The following MYO9A variants were observed in gnomAD, a reference collection of about 807,000 sequenced individuals.
MYO9A encodes the protein myosin IXA.
A neutral mutation model predicts 293.3 loss-of-function variants in MYO9A; 103 were observed. The observed-to-expected ratio is 0.35, with a 90% CI of 0.30 to 0.41. The LOEUF (loss-of-function observed/expected upper bound fraction) is 0.41, where lower values mean the gene tolerates loss of function less well. MYO9A is among the 10% of genes least tolerant of loss of function. MYO9A has a pLI of 1.00. For missense variants in MYO9A, 2,685 were observed against 3,033.0 expected (o/e 0.89, Z 2.69); for synonymous variants, 1,001 against 1,035.7 (o/e 0.97, Z 0.64).
In MYO9A at chr15:71,902,084, T is replaced by G. The variant is rs549678816; in HGVS notation, c.3001-744A>C. ...CCTCTCATTTGAGAGCAGGTAGATATTATATACCCGAAGAGGAAGATGGTA... is the reference window on the plus strand; with the variant it reads ...CCTCTCATTTGAGAGCAGGTAGATAGTATATACCCGAAGAGGAAGATGGTA... On this transcript the variant is annotated intron_variant, in intron 22 of 41. Transcript: ENST00000356056. 3.9e-5 allele frequency among the ~76,000 whole-genome samples: 6 copies of G among 152,180 alleles called. No individual in the cohort carries two copies. The East Asian group carries it at 1.2e-3, about 29-fold the overall frequency.
chr15:71,847,832 A>ATGTT (rs1385319213), intron 39 of MYO9A, among the ~76,000 whole-genome samples: 2 of 152,214 alleles, frequency 1.3e-5, no homozygotes, highest in African/African-American at 2.4e-5. Context: ...GCCCATGCTT[A>ATGTT]TGTTTGTTTT....
chr15:72,067,658 G>A (rs575558799), intron 1 of MYO9A, among the ~76,000 whole-genome samples: 1 of 152,092 alleles, frequency 6.6e-6, no homozygotes, highest in African/African-American at 2.4e-5. Context: ...CTACTGGGAC[G>A]CCACATGGAG....
intron 8 of MYO9A, 95 bp downstream of exon 8, chr15:72,007,731 G>T: frequency 8.5e-7 from 1 of 1,182,982 alleles, no homozygotes; most frequent in Non-Finnish European, 1.1e-6. Context: ...ATTATTAACA[G>T]AAAGCATTAA....
chr15:71,961,496 T>C (rs185394519), intron 13 of MYO9A, among the ~76,000 whole-genome samples: 214 of 152,322 alleles, frequency 1.4e-3, no homozygotes, highest in African/African-American at 4.5e-3. Flanking sequence ...GTATTTTACA[T>C]GTATTGTCTC....
At chr15:71,948,956 G>GAGA (rs1567306327) in intron 15 of MYO9A, among the ~76,000 whole-genome samples, 170 of 146,840 alleles carry the variant, frequency 1.2e-3, no homozygotes, top group African/African-American at 3.7e-3. Context: ...TTTTGTGAGG[G>GAGA]GGGGGGATGT....
chr15:71,863,317 T>C (rs146655951), intron 32 of MYO9A, among the ~76,000 whole-genome samples: 4 of 152,202 alleles, frequency 2.6e-5, no homozygotes, highest in African/African-American at 9.6e-5. Context: ...TTTACATGAG[T>C]TATACCTGTT....
intron 40 of MYO9A, among the ~76,000 whole-genome samples, chr15:71,828,429 G>A (rs368131356): frequency 6.6e-6 from 1 of 152,124 alleles, no homozygotes; most frequent in South Asian, 2.1e-4. Flanking sequence ...GATTAAACTA[G>A]ATAACCTCTA....
chr15:71,963,444 T>C (rs2075793486), intron 13 of MYO9A, among the ~76,000 whole-genome samples: 4 of 151,238 alleles, frequency 2.6e-5, no homozygotes, highest in Admixed American at 6.6e-5. Flanking sequence ...GAGTTACGAC[T>C]TTATTTTATT....
chr15:72,007,253 G>A (rs973912158), intron 8 of MYO9A, among the ~76,000 whole-genome samples: 1 of 152,100 alleles, frequency 6.6e-6, no homozygotes, highest in East Asian at 1.9e-4. Context: ...AGATGAGAAG[G>A]GGTAGGCAAG....
At chr15:72,101,871 GGT>G (rs2080350851) in intron 1 of MYO9A, among the ~76,000 whole-genome samples, 1 of 151,412 alleles carries the variant, frequency 6.6e-6, no homozygotes, top group Non-Finnish European at 1.5e-5. Context: ...GAGGTGGGGG[GGT>G]CAGCCCCCGA....
chr15:71,828,070 G>A (rs745807047), intron 40 of MYO9A, 44 bp from the exon 41 acceptor site: 2 of 1,581,370 alleles, frequency 1.3e-6, no homozygotes, highest in Non-Finnish European at 1.7e-6. Flanking sequence ...GATAGGAAGT[G>A]GAAGGAAGAT....
At chr15:72,067,297 A>C (rs1031699821) in intron 1 of MYO9A, among the ~76,000 whole-genome samples, 1 of 151,458 alleles carries the variant, frequency 6.6e-6, no homozygotes, top group Admixed American at 6.6e-5. Flanking sequence ...CCCAATACTA[A>C]TTAATTAATT....
chr15:72,099,755 G>A (rs2080204838), intron 1 of MYO9A, among the ~76,000 whole-genome samples: 1 of 150,400 alleles, frequency 6.6e-6, no homozygotes, highest in South Asian at 2.1e-4. Flanking sequence ...CATAAAAATT[G>A]GTCGGGCATG....
chr15:71,867,816 AC>A (rs1567212809), intron 32 of MYO9A, among the ~76,000 whole-genome samples: 2,111 of 144,592 alleles, frequency 0.015, 39 homozygotes, highest in African/African-American at 0.026. Flanking sequence ...ACACACACAC[AC>A]ACACACACAC....
intron 1 of MYO9A, among the ~76,000 whole-genome samples, chr15:72,077,670 C>A (rs1244962884): frequency 4.9e-5 from 7 of 144,290 alleles, no homozygotes; most frequent in African/African-American, 1.8e-4. Flanking sequence ...GCAGAGGTTG[C>A]AGTGAGCCAA....
intron 1 of MYO9A, among the ~76,000 whole-genome samples, chr15:72,066,095 G>A (rs2079013049): frequency 6.6e-6 from 1 of 152,186 alleles, no homozygotes; most frequent in South Asian, 2.1e-4. Flanking sequence ...ATAAGAAGAT[G>A]AGATACACAC....
chr15:71,827,872 A>G lies in MYO9A; in HGVS notation c.7183+12T>C, dbSNP rs777740359. 8.1e-6 allele frequency: 13 copies of G among 1,610,384 alleles called. No individual in the cohort carries two copies. Among genetic ancestry groups the G allele is most frequent in the Non-Finnish European group, 1.1e-5 (13 of 1,178,828 alleles). On this transcript the variant is annotated intron_variant, in intron 41 of 41. Transcript: ENST00000356056. Reference sequence around the variant, plus strand: ...ACAAATCTGGAGTCTTTGGTCTACCATGTTCACTTACCTGATTTCTCAGAG... The same window carrying G: ...ACAAATCTGGAGTCTTTGGTCTACCGTGTTCACTTACCTGATTTCTCAGAG...
chr15:71,829,710 T>C (rs1242473128), intron 40 of MYO9A, among the ~76,000 whole-genome samples: 2 of 152,084 alleles, frequency 1.3e-5, no homozygotes, highest in African/African-American at 2.4e-5. Context: ...AAGAATTCCT[T>C]CTCTTCTTTG....
At chr15:72,039,637 T>C (rs1183837483) in intron 2 of MYO9A, among the ~76,000 whole-genome samples, 1 of 151,648 alleles carries the variant, frequency 6.6e-6, no homozygotes, top group Non-Finnish European at 1.5e-5. Context: ...AAGACCAGCC[T>C]GGCCTACATG....
Sources: allele counts gnomAD v4.1 joint callset (sites outside exome capture counted in the v4.1 genomes callset), GRCh38; gene constraint gnomAD v4.1.1; transcripts MANE v1.5; gene names NCBI Gene and HGNC (gene_info 2026-07-23, HGNC 2026-07-21).